Variants in MACROD2 observed in about 807,000 individuals in gnomAD.
MACROD2 encodes mono-ADP ribosylhydrolase 2, also known as ADP-ribose glycohydrolase MACROD2.
In MACROD2, 36 loss-of-function variants were observed where a neutral mutation model predicts 70.4. That is an observed-to-expected ratio of 0.51 (90% confidence interval 0.39 to 0.68). MACROD2 has a LOEUF of 0.68. Among genes scored for constraint, MACROD2 ranks in the 30% least tolerant of loss-of-function variants. MACROD2 has a pLI of 0.00. For missense variants in MACROD2, 496 were observed against 538.4 expected (o/e 0.92, Z 0.78); for synonymous variants, 172 against 178.8 (o/e 0.96, Z 0.30).
Position 15,001,983 on chromosome 20 carries a change from A to C in MACROD2, c.419-227957A>C, listed in dbSNP as rs2074999655. Among the ~76,000 whole-genome samples, 4 of 152,208 alleles carry C rather than the reference A, an allele frequency of 2.6e-5. No homozygotes were observed. The South Asian group carries it at 8.3e-4, about 32-fold the overall frequency. On this transcript the variant is annotated intron_variant, in intron 5 of 17. Transcript: ENST00000684519. ...CACACACACACACACATATACACAC[A>C]CACACTACAATTCCTTTATCCACTA...
intron 3 of MACROD2, among the ~76,000 whole-genome samples, chr20:14,260,630 G>A (rs1211038116): frequency 6.6e-6 from 1 of 152,160 alleles, no homozygotes; most frequent in African/African-American, 2.4e-5. Context: ...GAGGCAATGT[G>A]ATGTAGTGGC....
At chr20:15,328,633 G>A (rs1233441390) in intron 6 of MACROD2, among the ~76,000 whole-genome samples, 1 of 151,926 alleles carries the variant, frequency 6.6e-6, no homozygotes, top group Non-Finnish European at 1.5e-5. Flanking sequence ...CTAAACCTGG[G>A]GTCTCCCTGC....
chr20:15,519,440 T>C (rs2047620780), intron 8 of MACROD2, among the ~76,000 whole-genome samples: 1 of 152,168 alleles, frequency 6.6e-6, no homozygotes, highest in African/African-American at 2.4e-5. Flanking sequence ...CTGTTTTTCT[T>C]ATAAATGAGG....
chr20:15,555,110 G>A (rs928962211), intron 8 of MACROD2, among the ~76,000 whole-genome samples: 10 of 152,128 alleles, frequency 6.6e-5, no homozygotes, highest in Non-Finnish European at 8.8e-5. Context: ...CTATTAATGG[G>A]GGAAGAAGGA....
At chr20:14,804,607 GAGGCTTTCATGTGAGAGGGCTGT>G (rs1302377803) in intron 5 of MACROD2, among the ~76,000 whole-genome samples, 3 of 151,974 alleles carry the variant, frequency 2.0e-5, no homozygotes, top group Non-Finnish European at 2.9e-5. Context: ...CCTAGTTTCA[GAGGCTTTCATGTGAGAGGGCTGT>G]ACTGACCTGT....
At chr20:15,335,789 G>A (rs1257671088) in intron 6 of MACROD2, among the ~76,000 whole-genome samples, 2 of 151,546 alleles carry the variant, frequency 1.3e-5, no homozygotes, top group African/African-American at 2.4e-5. Flanking sequence ...TTAGCAGGTC[G>A]AAATGAGGTT....
At position 14,326,184 on chromosome 20, in the gene MACROD2, A is replaced by G. The variant is rs143784361; in HGVS notation, c.272-167295A>G. ...CAAATGCCGGGCTATGGCCCAGTTTAAGCCAGCTGAGTCTCAAAGCAGTCA... is the reference window on the plus strand; with the variant it reads ...CAAATGCCGGGCTATGGCCCAGTTTGAGCCAGCTGAGTCTCAAAGCAGTCA... On this transcript the variant is annotated intron_variant, in intron 3 of 17. Transcript: ENST00000684519. The surrounding 1 kb of genome is among the most constrained non-coding windows in gnomAD (Gnocchi z 5.5). 240 of 1,613,914 alleles carry G rather than the reference A, an allele frequency of 1.5e-4. 3 individuals carry two copies. In the Admixed American group the frequency reaches 2.4e-3, roughly 16 times the overall value.
chr20:14,685,815 G>C (rs1231507362), intron 5 of MACROD2, among the ~76,000 whole-genome samples: 1 of 152,126 alleles, frequency 6.6e-6, no homozygotes, highest in Non-Finnish European at 1.5e-5. Flanking sequence ...TAAAAGTGAA[G>C]CTGGTTTTGA....
chr20:14,818,825 G>GTTT (rs754477468), intron 5 of MACROD2, among the ~76,000 whole-genome samples: 1,246 of 78,370 alleles, frequency 0.016, 203 homozygotes, highest in East Asian at 0.057. Context: ...TCTTCCTTAG[G>GTTT]TTTTTTTTTT....
At chr20:15,919,849 G>GA (rs908769612) in intron 10 of MACROD2, among the ~76,000 whole-genome samples, 39 of 149,286 alleles carry the variant, frequency 2.6e-4, no homozygotes, top group East Asian at 1.4e-3. Flanking sequence ...TGGACTTACA[G>GA]AAAAAAAAAA....
chr20:14,833,706 T>C (rs1231862854), intron 5 of MACROD2, among the ~76,000 whole-genome samples: 2 of 152,128 alleles, frequency 1.3e-5, no homozygotes, highest in Non-Finnish European at 2.9e-5. Flanking sequence ...GTATGTAGTA[T>C]TTTCTGTGTT....
intron 6 of MACROD2, among the ~76,000 whole-genome samples, chr20:15,344,202 C>A (rs1282974762): frequency 6.6e-6 from 1 of 152,082 alleles, no homozygotes; most frequent in Non-Finnish European, 1.5e-5. Flanking sequence ...TATCTTTCTC[C>A]CCAAGGAACA....
chr20:14,200,607 T>C (rs2081471605), intron 3 of MACROD2, among the ~76,000 whole-genome samples: 1 of 152,180 alleles, frequency 6.6e-6, no homozygotes, highest in Non-Finnish European at 1.5e-5. Flanking sequence ...AGAAATAAAA[T>C]TACTGAATCA....
At chr20:14,328,592 T>A (rs903019923) in intron 3 of MACROD2, among the ~76,000 whole-genome samples, 13 of 152,126 alleles carry the variant, frequency 8.5e-5, no homozygotes, top group African/African-American at 3.1e-4. Context: ...TATTGAACGA[T>A]GTGAGTAAAT....
chr20:15,085,578 G>A lies in MACROD2; in HGVS notation c.419-144362G>A, dbSNP rs372348599. Among the ~76,000 whole-genome samples, 182 of 152,016 alleles carry A rather than the reference G, an allele frequency of 1.2e-3. 4 individuals are homozygous for A. The Middle Eastern group carries it at 0.014, about 11-fold the overall frequency. On this transcript the variant is annotated intron_variant, in intron 5 of 17. Coordinates refer to ENST00000684519, the MANE Select transcript of MACROD2 (RefSeq NM_001351661.2). ...CAAAGAGCTCAGTTTAATCATGAGG[G>A]GGACATGGATGGTAGGATGTAAGTA...
chr20:14,258,021 T>A (rs1329122948), intron 3 of MACROD2, among the ~76,000 whole-genome samples: 1 of 152,230 alleles, frequency 6.6e-6, no homozygotes, highest in African/African-American at 2.4e-5. Context: ...GCACTTAGAA[T>A]AATGGTCTCC....
intron 8 of MACROD2, among the ~76,000 whole-genome samples, chr20:15,619,187 C>G (rs187720461): frequency 2.3e-3 from 354 of 152,336 alleles, no homozygotes; most frequent in Non-Finnish European, 3.8e-3. Context: ...AATTTCTCAT[C>G]TTGTGGCTAA....
At chr20:14,223,208 A>G (rs765217080) in intron 3 of MACROD2, 1 of 152,394 alleles carries the variant, frequency 6.6e-6, no homozygotes, top group Non-Finnish European at 1.5e-5. Flanking sequence ...AGTTTGCCTA[A>G]TGAGGGGTGA....
intron 5 of MACROD2, among the ~76,000 whole-genome samples, chr20:14,906,373 A>G (rs1161131436): frequency 6.6e-6 from 1 of 152,158 alleles, no homozygotes; most frequent in Non-Finnish European, 1.5e-5. Context: ...GCATGCCTGT[A>G]ATCCCAGCTA....
Sources: allele counts gnomAD v4.1 joint callset (sites outside exome capture counted in the v4.1 genomes callset), GRCh38; gene constraint gnomAD v4.1.1; non-coding constraint Gnocchi (gnomAD v3.1); transcripts MANE v1.5; gene names NCBI Gene and HGNC (gene_info 2026-07-23, HGNC 2026-07-21).